The following SYT16 variants were observed in gnomAD, a reference collection of about 807,000 sequenced individuals.
SYT16 encodes synaptotagmin 16, also known as synaptotagmin-16.
In SYT16, 42 loss-of-function variants were observed where a neutral mutation model predicts 61.4. That is an observed-to-expected ratio of 0.68 (90% CI 0.53 to 0.89). The LOEUF (loss-of-function observed/expected upper bound fraction) is 0.89, where lower values mean the gene tolerates loss of function less well. Among genes scored for constraint, SYT16 ranks in the 40% least tolerant of loss-of-function variants. SYT16 has a pLI of 0.00. For missense variants in SYT16, 804 were observed against 807.3 expected (o/e 1.00, Z 0.05); for synonymous variants, 314 against 302.3 (o/e 1.04, Z -0.40).
In SYT16 at chr14:62,034,318, A is replaced by C. The variant is rs529305612; in HGVS notation, c.524-35285A>C. 3.9e-5 allele frequency among the ~76,000 whole-genome samples: 6 copies of C among 152,314 alleles called. No individual in the cohort carries two copies. The South Asian group carries it at 1.2e-3, about 32-fold the overall frequency. On this transcript the variant is annotated intron_variant, in intron 3 of 7. Transcript: ENST00000683842. ...CAGTTCATCAACAGATTAAACATAG[A>C]GTTACCATAGAACCCAGCAGTGCCA...
chr14:62,039,348 T>C (rs2054626763), intron 3 of SYT16, among the ~76,000 whole-genome samples: 1 of 152,192 alleles, frequency 6.6e-6, no homozygotes, highest in African/African-American at 2.4e-5. Flanking sequence ...CAGTAATGAA[T>C]GATATTTGGG....
chr14:62,074,870 T>C (rs989890948), intron 4 of SYT16, among the ~76,000 whole-genome samples: 1 of 152,222 alleles, frequency 6.6e-6, no homozygotes, highest in African/African-American at 2.4e-5. Flanking sequence ...GTCGATTTTA[T>C]CCTTTTGACA....
Position 62,068,013 on chromosome 14 carries a change from A to G in SYT16, c.524-1590A>G, listed in dbSNP as rs112556278. On this transcript the variant is annotated intron_variant, in intron 3 of 7. Transcript: ENST00000683842. The stretch of plus-strand genomic sequence containing the variant: ...AGAAAAGAAAAAAAATTAATAATAT[A>G]CTACTATATGATCCACAAGTCCATC... Among the ~76,000 whole-genome samples the G allele has an allele frequency of 4.9e-3, 742 of 152,134 alleles. 11 individuals are homozygous for G. The highest frequency in any genetic ancestry group is 0.017 in the African/African-American group (708 of 41,506).
At chr14:61,863,417 T>C (rs941995356) in intron 1 of SYT16, among the ~76,000 whole-genome samples, 53 of 152,354 alleles carry the variant, frequency 3.5e-4, no homozygotes, top group African/African-American at 1.3e-3. Flanking sequence ...TCTTCTTTGG[T>C]GAGGTGTTTG....
At position 62,102,130 on chromosome 14, in the gene SYT16, G is replaced by A. The variant is rs2141026112; in HGVS notation, c.*1423G>A. 1 of 152,276 alleles carries A rather than the reference G, an allele frequency of 6.6e-6. No homozygotes were observed. Among genetic ancestry groups the A allele is most frequent in the Admixed American group, 6.5e-5 (1 of 15,300 alleles). 9.4% of individuals were successfully genotyped at this position (152,276 alleles called of 1,614,324 possible). A position where few individuals can be genotyped will look rare whatever the true frequency, so the allele number is the denominator to read the frequency against. ...TATGTTTCATTGTGGACTTTTTCCT[G>A]TCTGTGGGAAGAGTGATAGCTAGTG... is the stretch of plus-strand genomic sequence containing the variant. On this transcript the variant is annotated 3_prime_UTR_variant, in exon 8 of 8. Coordinates refer to ENST00000683842, the MANE Select transcript of SYT16 (RefSeq NM_001367656.1).
intron 4 of SYT16, among the ~76,000 whole-genome samples, chr14:62,073,487 T>C (rs1215830348): frequency 1.3e-5 from 2 of 152,196 alleles, no homozygotes; most frequent in African/African-American, 2.4e-5. Flanking sequence ...GTGTGGCCTG[T>C]TTTTAGGATG....
intron 3 of SYT16, among the ~76,000 whole-genome samples, chr14:62,030,762 A>G (rs1250430696): frequency 6.6e-6 from 1 of 152,234 alleles, no homozygotes; most frequent in African/African-American, 2.4e-5. Flanking sequence ...TCAAGCATTG[A>G]TGAAACAAAA....
chr14:61,910,683 C>T (rs2048900677), intron 1 of SYT16, among the ~76,000 whole-genome samples: 1 of 151,890 alleles, frequency 6.6e-6, no homozygotes, highest in African/African-American at 2.4e-5. Context: ...CATGCACCAC[C>T]ACGCCAGGCT....
chr14:61,884,694 T>C (rs751844578), intron 1 of SYT16, among the ~76,000 whole-genome samples: 1 of 152,212 alleles, frequency 6.6e-6, no homozygotes, highest in Non-Finnish European at 1.5e-5. Flanking sequence ...ACAAGATTAA[T>C]AGGTGGGTTC....
chr14:61,892,486 C>T (rs949553441), intron 1 of SYT16, among the ~76,000 whole-genome samples: 1 of 152,306 alleles, frequency 6.6e-6, no homozygotes, highest in Admixed American at 6.5e-5. Context: ...CCAGCCCTCT[C>T]ATGGCTCTGT....
intron 1 of SYT16, among the ~76,000 whole-genome samples, chr14:61,883,629 C>T (rs2047782078): frequency 6.6e-6 from 1 of 152,192 alleles, no homozygotes; most frequent in South Asian, 2.1e-4. Flanking sequence ...CAAACTGTTC[C>T]ATCCTATGCC....
intron 2 of SYT16, among the ~76,000 whole-genome samples, chr14:61,990,640 G>A: frequency 6.6e-6 from 1 of 152,104 alleles, no homozygotes; most frequent in Admixed American, 6.6e-5. Flanking sequence ...TTCTGCTTTA[G>A]CTTTCACCAA....
chr14:62,035,960 A>G (rs763319118), intron 3 of SYT16, among the ~76,000 whole-genome samples: 30 of 152,122 alleles, frequency 2.0e-4, no homozygotes, highest in Non-Finnish European at 4.3e-4. Context: ...TGTTGGGCTG[A>G]CACTGTGCAA....
chr14:62,083,026 C>T (rs1351078333), intron 6 of SYT16, among the ~76,000 whole-genome samples: 1 of 152,128 alleles, frequency 6.6e-6, no homozygotes. Context: ...GAGTGAGTCT[C>T]ACTTAAGAGT....
chr14:61,900,721 C>A (rs2048483655), intron 1 of SYT16, among the ~76,000 whole-genome samples: 1 of 152,148 alleles, frequency 6.6e-6, no homozygotes, highest in African/African-American at 2.4e-5. Flanking sequence ...TGAACACCAG[C>A]CTTGCATGGT....
intron 1 of SYT16, among the ~76,000 whole-genome samples, chr14:61,943,603 A>T (rs1379326180): frequency 4.6e-5 from 7 of 152,226 alleles, no homozygotes; most frequent in Non-Finnish European, 8.8e-5. Context: ...AACATAATCG[A>T]TCACATAAAC....
chr14:62,040,658 A>T (rs2054691374), intron 3 of SYT16, among the ~76,000 whole-genome samples: 1 of 152,208 alleles, frequency 6.6e-6, no homozygotes, highest in African/African-American at 2.4e-5. Context: ...AGATTTTAAA[A>T]TGAGAATTCT....
chr14:61,960,765 C>G (rs2051085356), intron 1 of SYT16, among the ~76,000 whole-genome samples: 2 of 152,074 alleles, frequency 1.3e-5, no homozygotes, highest in Non-Finnish European at 2.9e-5. Context: ...AGAGGCCATC[C>G]TTGTCTTGTG....
chr14:62,039,945 G>T (rs1348969353), intron 3 of SYT16, among the ~76,000 whole-genome samples: 1 of 151,932 alleles, frequency 6.6e-6, no homozygotes, highest in Non-Finnish European at 1.5e-5. Flanking sequence ...AGCATATCCA[G>T]TGAGTGCTGG....
Sources: gnomAD v4.1 joint callset for allele counts (sites outside exome capture counted in the v4.1 genomes callset) on GRCh38, gnomAD v4.1.1 for gene constraint, MANE v1.5 for transcripts, NCBI Gene and HGNC (gene_info 2026-07-23, HGNC 2026-07-21) for gene names.